Variants in SLC7A2 observed in about 807,000 individuals in gnomAD.
SLC7A2 encodes cationic amino acid transporter 2.
Under a neutral mutation model 58.9 loss-of-function variants are expected in SLC7A2, and 48 were observed. The ratio of observed to expected loss-of-function variants is 0.82; its 90% CI spans 0.65 to 1.04. SLC7A2 has a LOEUF of 1.04. Among genes scored for constraint, SLC7A2 ranks in the 50% least tolerant of loss-of-function variants. SLC7A2 has a pLI of 0.00. For missense variants in SLC7A2, 1,029 were observed against 818.8 expected, an observed-to-expected ratio of 1.26 and a Z score of -3.13; for synonymous variants, 363 against 314.5, an observed-to-expected ratio of 1.15 and a Z score of -1.63.
intron 8 of SLC7A2, chr8:17,555,145 A>G: frequency 1.3e-6 from 2 of 1,506,722 alleles, no homozygotes; most frequent in Non-Finnish European, 1.8e-6. Flanking sequence ...GCATGCATGG[A>G]CTTATAAAGA....
rs750142908 is a variant in SLC7A2, at chr8:17,561,933, T to A, written c.1505-11T>A. The A allele has an allele frequency of 1.9e-6, 3 of 1,613,500 alleles. No individual in the cohort carries two copies. The highest frequency in any genetic ancestry group is 2.5e-6 in the Non-Finnish European group (3 of 1,179,666). ...GTGTGCTGACTCTGTTATCTACACA[T>A]CCCCCTGCAGCTTTCCTCGTGTTGG... On this transcript the variant is annotated splice_polypyrimidine_tract_variant and intron_variant, in intron 10 of 12. Transcript: ENST00000494857.
chr8:17,561,095 C>A (rs1317898230), intron 10 of SLC7A2, among the ~76,000 whole-genome samples: 1 of 152,056 alleles, frequency 6.6e-6, no homozygotes, highest in Non-Finnish European at 1.5e-5. Flanking sequence ...GGAGTTGCCC[C>A]TAGAGCAGAC....
chr8:17,534,925 C>G (rs1801601168), intron 2 of SLC7A2, among the ~76,000 whole-genome samples: 1 of 152,156 alleles, frequency 6.6e-6, no homozygotes, highest in Non-Finnish European at 1.5e-5. Flanking sequence ...AAGCTAAGCT[C>G]TGTTGTCCAC....
chr8:17,538,908 C>T, intron 2 of SLC7A2: 1 of 1,613,356 alleles, frequency 6.2e-7, no homozygotes, highest in African/African-American at 1.3e-5. Flanking sequence ...CGGTTTGCGA[C>T]AGCAAGTTTC....
chr8:17,515,541 G>C (rs1585195167), intron 2 of SLC7A2, among the ~76,000 whole-genome samples: 1 of 152,082 alleles, frequency 6.6e-6, no homozygotes, highest in African/African-American at 2.4e-5. Context: ...TGATCTGCCT[G>C]CCTGACCTCC....
intron 2 of SLC7A2, chr8:17,510,655 C>G (rs1026362252): frequency 3.9e-5 from 6 of 152,104 alleles, no homozygotes; most frequent in Non-Finnish European, 5.9e-5. Context: ...CTGTTCATAT[C>G]TTTTGCCCGC....
At chr8:17,526,959 A>G (rs1307405359) in intron 2 of SLC7A2, among the ~76,000 whole-genome samples, 1 of 152,202 alleles carries the variant, frequency 6.6e-6, no homozygotes, top group Non-Finnish European at 1.5e-5. Flanking sequence ...AGTTGGTTGC[A>G]TGATAATACC....
chr8:17,524,889 C>G (rs1467455144), intron 2 of SLC7A2, among the ~76,000 whole-genome samples: 1 of 151,964 alleles, frequency 6.6e-6, no homozygotes. Context: ...GATGAATTTC[C>G]CTGTGCTCAC....
In SLC7A2 at chr8:17,508,955, C is replaced by T. The variant is rs199874202; in HGVS notation, c.-23+6653C>T. Among the ~76,000 whole-genome samples, 6 of 152,000 alleles carry T rather than the reference C, an allele frequency of 3.9e-5. No homozygotes were observed. The East Asian group carries it at 9.7e-4, about 24-fold the overall frequency. Reference sequence around the variant, plus strand: ...TTACTTTCAGTTGATTGATCGTTGCCGCCTTTTGGTGGTGAGCTCCTGTGG... The same window carrying T: ...TTACTTTCAGTTGATTGATCGTTGCTGCCTTTTGGTGGTGAGCTCCTGTGG... On this transcript the variant is annotated intron_variant, in intron 2 of 12. Transcript: ENST00000494857.
At chr8:17,561,269 G>A (rs755211381) in intron 10 of SLC7A2, among the ~76,000 whole-genome samples, 1 of 152,104 alleles carries the variant, frequency 6.6e-6, no homozygotes, top group Non-Finnish European at 1.5e-5. Context: ...AGGTTTAATG[G>A]GCTTACAGTT....
chr8:17,494,391 T>C (rs141280863), upstream of SLC7A2, among the ~76,000 whole-genome samples: 188 of 152,314 alleles, frequency 1.2e-3, no homozygotes, highest in African/African-American at 4.2e-3. Context: ...GGCTACTCTC[T>C]CTGCTGAAAA....
chr8:17,522,107 T>C (rs955921058), intron 2 of SLC7A2, among the ~76,000 whole-genome samples: 1 of 152,200 alleles, frequency 6.6e-6, no homozygotes, highest in Admixed American at 6.5e-5. Flanking sequence ...GATTGGATAA[T>C]TTATTTTAAA....
chr8:17,564,235 C>T (rs949055880), intron 12 of SLC7A2, among the ~76,000 whole-genome samples: 4 of 152,186 alleles, frequency 2.6e-5, no homozygotes, highest in Non-Finnish European at 5.9e-5. Context: ...TGATAACTCA[C>T]CACTTGTATT....
chr8:17,526,742 T>C (rs1189813730), intron 2 of SLC7A2, among the ~76,000 whole-genome samples: 4 of 152,126 alleles, frequency 2.6e-5, no homozygotes, highest in African/African-American at 9.7e-5. Flanking sequence ...GCGTGTGGTA[T>C]CTAGTTGGAA....
At chr8:17,495,534 C>A (rs1171155293), upstream of SLC7A2, among the ~76,000 whole-genome samples, 1 of 152,098 alleles carries the variant, frequency 6.6e-6, no homozygotes, top group African/African-American at 2.4e-5. Flanking sequence ...GCTGTTTAAA[C>A]TTTCAGTTTT....
chr8:17,525,871 G>A (rs913434182), intron 2 of SLC7A2, among the ~76,000 whole-genome samples: 6 of 152,164 alleles, frequency 3.9e-5, no homozygotes, highest in Admixed American at 3.9e-4. Context: ...GCTGAGTACT[G>A]AGAGTTTGGG....
rs1430447393 is a variant in SLC7A2 at position 17,538,925 on chromosome 8, A to G, written c.-22-4393A>G. On this transcript the variant is annotated intron_variant, in intron 2 of 12. Coordinates refer to ENST00000494857, the MANE Select transcript of SLC7A2 (RefSeq NM_001370338.1). ...GTTTGCGACAGCAAGTTTCTCCTGT[A>G]AGATTTATTGTCAGGGCCTGGGATA... is the stretch of plus-strand genomic sequence containing the variant. 5 of 1,612,080 alleles carry G rather than the reference A, an allele frequency of 3.1e-6. No homozygotes were observed. In the African/African-American group the frequency reaches 4.0e-5, roughly 13 times the overall value.
intron 2 of SLC7A2, among the ~76,000 whole-genome samples, chr8:17,526,240 A>C (rs1801218630): frequency 6.6e-6 from 1 of 152,162 alleles, no homozygotes; most frequent in Non-Finnish European, 1.5e-5. Flanking sequence ...TTCAGATTTA[A>C]AAGGTGGAAG....
At chr8:17,519,451 T>G (rs1800929871) in intron 2 of SLC7A2, among the ~76,000 whole-genome samples, 1 of 152,198 alleles carries the variant, frequency 6.6e-6, no homozygotes, top group Admixed American at 6.5e-5. Flanking sequence ...GTGATGAGAA[T>G]CTCTATCTTC....
Sources: gnomAD v4.1 joint callset for allele counts (sites outside exome capture counted in the v4.1 genomes callset) on GRCh38, gnomAD v4.1.1 for gene constraint, MANE v1.5 for transcripts, NCBI Gene and HGNC (gene_info 2026-07-23, HGNC 2026-07-21) for gene names.